PCDH11Y: variants seen among roughly 807,000 people sequenced by gnomAD.
PCDH11Y encodes protocadherin 11 Y-linked.
For synonymous variants in PCDH11Y, 9 were observed against 83.6 expected (o/e 0.11, Z 4.87); for missense variants, 12 against 224.8 (o/e 0.05, Z 6.05).
intron 3 of PCDH11Y, among the ~76,000 whole-genome samples, chrY:5,048,670 C>A: frequency 3.0e-5 from 1 of 33,281 alleles, no homozygotes; most frequent in African/African-American, 1.2e-4. Context: ...AGCTTTTTTT[C>A]ATATGCTTGC....
intron 4 of PCDH11Y, among the ~76,000 whole-genome samples, chrY:5,644,085 G>A: frequency 3.1e-5 from 1 of 32,612 alleles, no homozygotes; most frequent in African/African-American, 1.2e-4. Context: ...CTCTAATCAG[G>A]ACCTTGTGTT....
chrY:5,351,215 A>T (rs2124670219), intron 2 of PCDH11Y, among the ~76,000 whole-genome samples: 1 of 32,284 alleles, frequency 3.1e-5, no homozygotes, highest in Non-Finnish European at 7.6e-5. Flanking sequence ...AAAAAATAAA[A>T]AAATAAATTA....
intron 1 of PCDH11Y, among the ~76,000 whole-genome samples, chrY:5,090,057 A>G (rs2124633643): frequency 3.0e-5 from 1 of 33,625 alleles, no homozygotes; most frequent in African/African-American, 1.2e-4. Flanking sequence ...TTTCGCTGAC[A>G]TACAATGAAC....
chrY:5,230,874 C>T (rs2124653752), intron 2 of PCDH11Y, among the ~76,000 whole-genome samples: 1 of 28,477 alleles, frequency 3.5e-5, no homozygotes, highest in African/African-American at 1.4e-4. Context: ...TTTCAAATAG[C>T]CTGTCTTCAA....
chrY:5,514,633 G>A (rs2053369867), intron 3 of PCDH11Y, among the ~76,000 whole-genome samples: 1 of 32,621 alleles, frequency 3.1e-5, no homozygotes. Context: ...TAGTATACTT[G>A]GCATCTTTAT....
At chrY:5,261,480 T>A (rs2053018337) in intron 2 of PCDH11Y, among the ~76,000 whole-genome samples, 1 of 33,572 alleles carries the variant, frequency 3.0e-5, no homozygotes, top group Non-Finnish European at 7.4e-5. Context: ...CAAAGGTGAT[T>A]CTTGTTATAT....
chrY:5,380,629 C>G (rs2053204126), intron 2 of PCDH11Y, among the ~76,000 whole-genome samples: 2 of 27,608 alleles, frequency 7.2e-5, no homozygotes, highest in South Asian at 2.0e-3. Flanking sequence ...CTCTGTCACC[C>G]AGGCTGGAGT....
intron 2 of PCDH11Y, among the ~76,000 whole-genome samples, chrY:5,324,124 AAT>A (rs2053116103): frequency 3.0e-5 from 1 of 33,308 alleles, no homozygotes; most frequent in Non-Finnish European, 7.3e-5. Context: ...TGAATTCTGT[AAT>A]ATCTTCTGCC....
rs2124697337 is a variant in PCDH11Y at position 5,580,250 on chromosome Y, C to G, written c.3329-1525C>G. On this transcript the variant is annotated intron_variant, in intron 3 of 4. Transcript: ENST00000400457. ...TACTTCCATACTATTAGAAATAAGT[C>G]CAGACCCATTACATTACTTATTTTT... Among the ~76,000 whole-genome samples, 4 of 31,666 alleles carry G rather than the reference C, an allele frequency of 1.3e-4. No individual in the cohort carries two copies. In the East Asian group the frequency reaches 3.3e-3, roughly 26 times the overall value. 85.0% of individuals were successfully genotyped at this position (31,666 alleles called of 37,273 possible). A position where few individuals can be genotyped will look rare whatever the true frequency, so the allele number is the denominator to read the frequency against.
intron 2 of PCDH11Y, among the ~76,000 whole-genome samples, chrY:5,323,893 CTG>C (rs2053115888): frequency 9.4e-5 from 3 of 32,027 alleles, no homozygotes; most frequent in Non-Finnish European, 1.5e-4. Flanking sequence ...AAGTTTATTG[CTG>C]TGTCTTCTTT....
intron 4 of PCDH11Y, among the ~76,000 whole-genome samples, chrY:5,667,109 T>G: frequency 5.2e-5 from 1 of 19,164 alleles, no homozygotes; most frequent in Admixed American, 4.7e-4. Context: ...CCATCATGGC[T>G]ATATATATAT....
At chrY:5,511,732 AT>A (rs2053365243) in intron 3 of PCDH11Y, among the ~76,000 whole-genome samples, 1 of 32,632 alleles carries the variant, frequency 3.1e-5, no homozygotes, top group Non-Finnish European at 7.5e-5. Flanking sequence ...TAGCAATACT[AT>A]TTTTTGCAGA....
intron 2 of PCDH11Y, among the ~76,000 whole-genome samples, chrY:5,451,386 T>C: frequency 3.1e-5 from 1 of 32,769 alleles, no homozygotes; most frequent in Non-Finnish European, 7.5e-5. Context: ...ACTGCTAACA[T>C]ATTGATGAAT....
intron 3 of PCDH11Y, among the ~76,000 whole-genome samples, chrY:5,042,200 A>T: frequency 7.7e-5 from 2 of 26,138 alleles, no homozygotes; most frequent in Non-Finnish European, 1.8e-4. Context: ...TATGTCCTGA[A>T]TGGTATTGCC....
intron 2 of PCDH11Y, among the ~76,000 whole-genome samples, chrY:5,495,403 GA>G (rs2053343401): frequency 1.2e-4 from 4 of 33,217 alleles, no homozygotes; most frequent in Admixed American, 5.5e-4. Context: ...GTACCTATGG[GA>G]AAAAAAATGC....
intron 2 of PCDH11Y, among the ~76,000 whole-genome samples, chrY:5,289,515 A>G: frequency 1.5e-4 from 5 of 33,929 alleles, no homozygotes; most frequent in Admixed American, 5.3e-4. Context: ...AGAGGAAAGC[A>G]TGGCCTTCAG....
At chrY:5,616,236 A>G (rs2053493680) in intron 4 of PCDH11Y, among the ~76,000 whole-genome samples, 1 of 33,713 alleles carries the variant, frequency 3.0e-5, no homozygotes, top group East Asian at 7.8e-4. Flanking sequence ...AAAGTGGTAA[A>G]GCAGATTTTA....
intron 2 of PCDH11Y, among the ~76,000 whole-genome samples, chrY:5,439,478 A>G (rs2053278540): frequency 3.0e-5 from 1 of 33,053 alleles, no homozygotes; most frequent in African/African-American, 1.2e-4. Context: ...TTTTCCAGAC[A>G]TTATATATAC....
intron 3 of PCDH11Y, among the ~76,000 whole-genome samples, chrY:5,568,385 A>T (rs2124696041): frequency 3.6e-5 from 1 of 27,926 alleles, no homozygotes; most frequent in South Asian, 8.7e-4. Flanking sequence ...TGTAAACCTT[A>T]TGTAAACTAA....
Sources: gnomAD v4.1 joint callset for allele counts (sites outside exome capture counted in the v4.1 genomes callset) on GRCh38, gnomAD v4.1.1 for gene constraint, MANE v1.5 for transcripts, NCBI Gene and HGNC (gene_info 2026-07-23, HGNC 2026-07-21) for gene names.